GHR: variants seen among roughly 807,000 people sequenced by gnomAD.
GHR encodes the protein growth hormone receptor, also known as GH receptor.
GHR carries 35 observed loss-of-function variants against 67.1 expected under a neutral mutation model. The ratio of observed to expected loss-of-function variants is 0.52; its 90% confidence interval spans 0.40 to 0.69. The LOEUF (loss-of-function observed/expected upper bound fraction) is 0.69. Ranked by LOEUF, GHR falls within the 30% of genes least tolerant of loss-of-function variation. The probability of loss-of-function intolerance (pLI) is 0.00; values close to 1 mark genes in which losing one functional copy is unlikely to be tolerated. For missense variants in GHR, 792 were observed against 764.6 expected (o/e 1.04, Z -0.42); for synonymous variants, 272 against 269.1 (o/e 1.01, Z -0.10).
chr5:42,628,319 G>A (rs1278254375), intron 2 of GHR, among the ~76,000 whole-genome samples: 1 of 149,916 alleles, frequency 6.7e-6, no homozygotes, highest in Non-Finnish European at 1.5e-5. Flanking sequence ...GCTTGAGGGT[G>A]GGGCCTTTGC....
intron 2 of GHR, among the ~76,000 whole-genome samples, chr5:42,588,539 A>AAAAAAAAAAAAAG (rs1751611579): frequency 6.7e-6 from 1 of 149,826 alleles, no homozygotes; most frequent in African/African-American, 2.4e-5. Context: ...AAAAAAAAAA[A>AAAAAAAAAAAAAG]AAAAAAAAAA....
intron 1 of GHR, among the ~76,000 whole-genome samples, chr5:42,547,065 T>G (rs1355278458): frequency 2.0e-5 from 3 of 152,152 alleles, no homozygotes; most frequent in Non-Finnish European, 4.4e-5. Flanking sequence ...AAATAAGATT[T>G]CAAAACATAT....
intron 3 of GHR, among the ~76,000 whole-genome samples, chr5:42,646,999 A>G (rs1423477888): frequency 6.6e-6 from 1 of 152,184 alleles, no homozygotes; most frequent in African/African-American, 2.4e-5. Flanking sequence ...ATTACCATGC[A>G]TTTCTGTTAC....
intron 1 of GHR, among the ~76,000 whole-genome samples, chr5:42,559,801 T>A (rs140890054): frequency 6.6e-6 from 1 of 152,182 alleles, no homozygotes; most frequent in African/African-American, 2.4e-5. Context: ...GATCTGACCA[T>A]TTTCCAAATT....
At chr5:42,516,018 AG>A (rs762994749) in intron 1 of GHR, among the ~76,000 whole-genome samples, 31 of 152,196 alleles carry the variant, frequency 2.0e-4, no homozygotes, top group Non-Finnish European at 4.0e-4. Flanking sequence ...TAGTTTTTAG[AG>A]GGGGCACAGA....
At chr5:42,647,574 CA>C (rs36110641) in intron 3 of GHR, 52,159 of 319,826 alleles carry the variant, frequency 0.16, 700 homozygotes, top group Middle Eastern at 0.25. Flanking sequence ...ACTGCGTCTC[CA>C]AAAAAAAAAA....
chr5:42,493,701 C>T (rs1484128657), intron 1 of GHR, among the ~76,000 whole-genome samples: 2 of 152,120 alleles, frequency 1.3e-5, no homozygotes, highest in Non-Finnish European at 2.9e-5. Context: ...TATACATATG[C>T]CCAATCACAA....
chr5:42,590,472 T>C (rs1474978790), intron 2 of GHR, among the ~76,000 whole-genome samples: 1 of 152,192 alleles, frequency 6.6e-6, no homozygotes. Context: ...TGGGGAAGAC[T>C]GCTGTGTTGG....
intron 2 of GHR, among the ~76,000 whole-genome samples, chr5:42,609,197 C>T (rs775091332): frequency 1.6e-4 from 24 of 152,158 alleles, no homozygotes; most frequent in Non-Finnish European, 3.1e-4. Flanking sequence ...CCAGAAGTGA[C>T]ACTGAGCAGT....
intron 1 of GHR, among the ~76,000 whole-genome samples, chr5:42,452,554 T>TA: frequency 6.6e-6 from 1 of 152,302 alleles, no homozygotes; most frequent in African/African-American, 2.4e-5. Flanking sequence ...TTTGACTGTT[T>TA]AATATAGTCC....
intron 7 of GHR, 123 bp from the exon 8 acceptor site, chr5:42,713,306 A>G (rs1758561188): frequency 1.5e-6 from 1 of 670,434 alleles, no homozygotes; most frequent in Non-Finnish European, 2.7e-6. Flanking sequence ...GGTTATCAAG[A>G]GAAATCACTG....
chr5:42,532,538 C>T (rs1052419074), intron 1 of GHR, among the ~76,000 whole-genome samples: 1 of 152,100 alleles, frequency 6.6e-6, no homozygotes, highest in Non-Finnish European at 1.5e-5. Flanking sequence ...GTTTTACCTT[C>T]CCCAGTCTCA....
At chr5:42,689,059 T>A in intron 4 of GHR, 40 bp downstream of exon 4, 1 of 1,576,188 alleles carries the variant, frequency 6.3e-7, no homozygotes, top group South Asian at 1.1e-5. Flanking sequence ...TCTCCATGGA[T>A]GTACCTACTA....
At chr5:42,473,308 G>A (rs998674759) in intron 1 of GHR, among the ~76,000 whole-genome samples, 1 of 152,134 alleles carries the variant, frequency 6.6e-6, no homozygotes, top group Non-Finnish European at 1.5e-5. Flanking sequence ...TCGGGTCCCT[G>A]CAACCTCCGC....
At chr5:42,536,852 C>G (rs1748279628) in intron 1 of GHR, among the ~76,000 whole-genome samples, 1 of 151,994 alleles carries the variant, frequency 6.6e-6, no homozygotes, top group East Asian at 1.9e-4. Flanking sequence ...TGCTATTGGT[C>G]TGTTCAGGTT....
chr5:42,711,914 TA>T (rs1758478997), intron 7 of GHR, among the ~76,000 whole-genome samples: 1 of 152,114 alleles, frequency 6.6e-6, no homozygotes, highest in Non-Finnish European at 1.5e-5. Flanking sequence ...CAGTCATACT[TA>T]AAGGAGACGT....
intron 3 of GHR, among the ~76,000 whole-genome samples, chr5:42,645,722 A>G (rs1754696224): frequency 6.6e-6 from 1 of 152,236 alleles, no homozygotes; most frequent in Non-Finnish European, 1.5e-5. Context: ...TTGGAGGCTG[A>G]CAGCATTACA....
chr5:42,465,646 G>C, intron 1 of GHR: 2 of 916,252 alleles, frequency 2.2e-6, no homozygotes, highest in Non-Finnish European at 3.7e-6. Context: ...TTCCCCAGTT[G>C]TGAGATCTGC....
At chr5:42,608,505 G>T (rs929607918) in intron 2 of GHR, among the ~76,000 whole-genome samples, 5 of 151,890 alleles carry the variant, frequency 3.3e-5, no homozygotes, top group African/African-American at 9.7e-5. Flanking sequence ...TATATCATTT[G>T]TCATAAAGAT....
Sources: gnomAD v4.1 joint callset for allele counts (sites outside exome capture counted in the v4.1 genomes callset) on GRCh38, gnomAD v4.1.1 for gene constraint, MANE v1.5 for transcripts, NCBI Gene and HGNC (gene_info 2026-07-23, HGNC 2026-07-21) for gene names.